The following C10orf71 variants were observed in gnomAD, a reference collection of about 807,000 sequenced individuals.
C10orf71 encodes cardiac-enriched FHL2-interacting protein.
For missense variants in C10orf71, 1,869 were observed against 1,804.5 expected, an observed-to-expected ratio of 1.04 and a Z score of -0.65; for synonymous variants, 758 against 726.3, an observed-to-expected ratio of 1.04 and a Z score of -0.70.
Position 49,322,930 on chromosome 10 carries a change from C to A in C10orf71, c.385C>A (p.Pro129Thr). 1 of 1,613,910 alleles carries A rather than the reference C, an allele frequency of 6.2e-7. No individual in the cohort carries two copies. Reference sequence around the variant, plus strand: ...GCCAGTCCAGAGGAGACTGGAGGTGCCAGTTTCCGGCCTAAGGAGCAGCAA... The same window carrying A: ...GCCAGTCCAGAGGAGACTGGAGGTGACAGTTTCCGGCCTAAGGAGCAGCAA... Reference protein sequence around the residue: ...PTPVQRRLEVPVSGLRSSNKP... With the variant: ...PTPVQRRLEVTVSGLRSSNKP... Residue 129 changes from proline to threonine, a missense_variant, in exon 3 of 3, where the codon CCA (proline) becomes ACA (threonine). Coordinates refer to ENST00000374144, the MANE Select transcript of C10orf71 (RefSeq NM_001135196.2).
In C10orf71 at chr10:49,326,393, G is replaced by T; in HGVS notation, c.3848G>T (p.Gly1283Val). 6.4e-7 allele frequency: 1 copy of T among 1,550,574 alleles called. No homozygotes were observed. ...TQKVLQDPQSGEYFVFDLPLQ... is the reference protein window; with the variant it reads ...TQKVLQDPQSVEYFVFDLPLQ... ...AAGGTCCTCCAGGATCCGCAGTCCG[G>T]GGAGTACTTTGTCTTCGACTTGCCA... The change falls in exon 3 of 3, where the codon GGG becomes GTG. Residue 1283 changes from glycine to valine, a missense_variant. Gly to Val is a moderately radical substitution (Grantham distance 109). Transcript: ENST00000374144.
At chr10:49,299,670 G>T (rs139400363) in intron 1 of C10orf71, among the ~76,000 whole-genome samples, 1 of 152,196 alleles carries the variant, frequency 6.6e-6, no homozygotes, top group Non-Finnish European at 1.5e-5. Context: ...ACCCGGAACC[G>T]TGTACATGTG....
chr10:49,322,727 G>C lies in C10orf71; in HGVS notation c.182G>C (p.Arg61Pro), dbSNP rs370240901. 3.0e-5 allele frequency: 49 copies of C among 1,613,800 alleles called. No individual in the cohort carries two copies. Among genetic ancestry groups the C allele is most frequent in the Non-Finnish European group, 3.9e-5 (46 of 1,179,860 alleles). Residue 61 changes from arginine (R) to proline (P), a missense_variant, in exon 3 of 3, where the codon CGA becomes CCA. Transcript: ENST00000374144. ...SYLAVSPDIT[R>P]QVFGTFHQRT... is the part of the protein sequence containing the mutation. ...CTGGCTGTGTCCCCGGATATCACCC[G>C]ACAGGTGTTTGGGACTTTTCACCAG...
rs575463593 is a variant in C10orf71 at position 49,321,047 on chromosome 10, A to T, written c.-144-1355A>T. ...CCAAACATTTCCTCCCACCGCTTTT[A>T]TTTATTATTTGTGTATGTGTGATAA... is the stretch of plus-strand genomic sequence containing the variant. On this transcript the variant is annotated intron_variant, in intron 2 of 2. Transcript: ENST00000374144. Among the ~76,000 whole-genome samples, 8 of 151,980 alleles carry T rather than the reference A, an allele frequency of 5.3e-5. No homozygotes were observed. In the East Asian group the frequency reaches 1.5e-3, roughly 29 times the overall value.
chr10:49,325,284 T>A lies in C10orf71; in HGVS notation c.2739T>A (p.Ile913=), dbSNP rs1462940900. The change falls in exon 3 of 3, where the codon ATT becomes ATA. Residue 913 remains isoleucine (I), a synonymous_variant. Transcript: ENST00000374144. ...TTTGTGCCCCCGAAAACCAGGACAT[T>A]CTTGGTACATCGACACCCACTAACA... The part of the protein sequence containing the change: ...PGFCAPENQD[I]LGTSTPTNTR... 6.4e-7 allele frequency: 1 copy of A among 1,551,554 alleles called. No individual in the cohort carries two copies. Among genetic ancestry groups the A allele is most frequent in the African/African-American group, 1.4e-5 (1 of 73,024 alleles).
intron 1 of C10orf71, among the ~76,000 whole-genome samples, chr10:49,304,618 A>T (rs1392495083): frequency 1.3e-5 from 2 of 152,148 alleles, no homozygotes; most frequent in East Asian, 3.9e-4. Context: ...ACTCTGTAGA[A>T]ACCCTGCCCT....
Position 49,325,176 on chromosome 10 carries a change from G to A in C10orf71, c.2631G>A (p.Arg877=), listed in dbSNP as rs1438146637. 1 of 1,552,096 alleles carries A rather than the reference G, an allele frequency of 6.4e-7. No individual in the cohort carries two copies. The highest frequency in any genetic ancestry group is 1.2e-5 in the South Asian group (1 of 84,066). ...VIKPIMLPLL[R]TMSLEDSLSS... is the part of the protein sequence containing the mutation. Reference sequence around the variant, plus strand: ...AACCTATCATGCTGCCTCTCCTGAGGACCATGTCCTTGGAGGACTCCCTCA... The same window carrying A: ...AACCTATCATGCTGCCTCTCCTGAGAACCATGTCCTTGGAGGACTCCCTCA... The change falls in exon 3 of 3, where the codon AGG becomes AGA. Residue 877 remains arginine, a synonymous_variant. Transcript: ENST00000374144.
In C10orf71 at chr10:49,325,861, A is replaced by T. The variant is rs1849227819; in HGVS notation, c.3316A>T (p.Arg1106Trp). 2 of 1,550,424 alleles carry T rather than the reference A, an allele frequency of 1.3e-6. No homozygotes were observed. The highest frequency in any genetic ancestry group is 1.7e-6 in the Non-Finnish European group (2 of 1,146,038). ...ASPWASSSPARVTRREDLTHA... is the reference protein window; with the variant it reads ...ASPWASSSPAWVTRREDLTHA... ...CCCCTGGGCCAGCTCCAGTCCTGCC[A>T]GGGTCACCCGGAGGGAGGACCTGAC... is the stretch of plus-strand genomic sequence containing the variant. The change falls in exon 3 of 3, where the codon AGG becomes TGG. Residue 1106 changes from arginine to tryptophan, a missense_variant. Transcript: ENST00000374144.
chr10:49,315,780 G>C (rs1339601966), intron 1 of C10orf71, among the ~76,000 whole-genome samples: 1 of 152,196 alleles, frequency 6.6e-6, no homozygotes, highest in Non-Finnish European at 1.5e-5. Flanking sequence ...TTTGGGTCAG[G>C]CATGACGGTT....
intron 1 of C10orf71, among the ~76,000 whole-genome samples, chr10:49,313,484 T>G (rs772147774): frequency 3.9e-5 from 6 of 151,982 alleles, no homozygotes; most frequent in Non-Finnish European, 7.4e-5. Context: ...CATCGAGAGA[T>G]TCTAAGCAAA....
chr10:49,303,405 G>A (rs1564681978), intron 1 of C10orf71, among the ~76,000 whole-genome samples: 1 of 152,160 alleles, frequency 6.6e-6, no homozygotes, highest in South Asian at 2.1e-4. Flanking sequence ...CATCAGACCC[G>A]AGTGGCCCAA....
chr10:49,298,639 T>C (rs1396817065), upstream of C10orf71: 1 of 152,236 alleles, frequency 6.6e-6, no homozygotes, highest in African/African-American at 2.4e-5. Context: ...GTGCTTGGAC[T>C]TTGCAAACAA....
chr10:49,308,933 C>T (rs1017444283), intron 1 of C10orf71, among the ~76,000 whole-genome samples: 1 of 152,182 alleles, frequency 6.6e-6, no homozygotes, highest in African/African-American at 2.4e-5. Flanking sequence ...GCACAGAGGC[C>T]GAGGACTGGG....
At chr10:49,308,563 C>T (rs1848856935) in intron 1 of C10orf71, among the ~76,000 whole-genome samples, 1 of 152,194 alleles carries the variant, frequency 6.6e-6, no homozygotes. Flanking sequence ...GCTTTACACA[C>T]ATAAGAGGCA....
In C10orf71 at chr10:49,324,359, A is replaced by G. The variant is rs369990332; in HGVS notation, c.1814A>G (p.Asn605Ser). ...ATCGCCAAAGCCCCCTTCTATGTCA[A>G]TGGGGAGGCTGCTGAGAGAAGCAGT... ...PTIAKAPFYVNGEAAERSSYE... is the reference protein window; with the variant it reads ...PTIAKAPFYVSGEAAERSSYE... The change falls in exon 3 of 3, where the codon AAT becomes AGT. Residue 605 changes from asparagine to serine, a missense_variant. By Grantham distance (46) the Asn-to-Ser change is conservative. Coordinates refer to ENST00000374144, the MANE Select transcript of C10orf71 (RefSeq NM_001135196.2). 5 of 1,613,692 alleles carry G rather than the reference A, an allele frequency of 3.1e-6. No individual in the cohort carries two copies. The highest frequency in any genetic ancestry group is 2.7e-5 in the African/African-American group (2 of 74,898).
In C10orf71 at chr10:49,322,568, G is replaced by T. The variant is rs376665109; in HGVS notation, c.23G>T (p.Cys8Phe). The change falls in exon 3 of 3, where the codon TGC becomes TTC. Residue 8 changes from cysteine (C) to phenylalanine (F), a missense_variant. Cys to Phe is a radical substitution (Grantham distance 205, BLOSUM62 -2). Coordinates refer to ENST00000374144, the MANE Select transcript of C10orf71 (RefSeq NM_001135196.2). MMQGNKK[C>F]TDAFSDSSSI... ...CAGATGATGCAAGGAAATAAGAAGTGCACAGACGCGTTCAGCGACTCCTCC... is the reference window on the plus strand; with the variant it reads ...CAGATGATGCAAGGAAATAAGAAGTTCACAGACGCGTTCAGCGACTCCTCC... 39 of 1,610,658 alleles carry T rather than the reference G, an allele frequency of 2.4e-5. No individual in the cohort carries two copies. The highest frequency in any genetic ancestry group is 3.2e-5 in the Non-Finnish European group (38 of 1,178,358).
chr10:49,326,552 C>T lies in C10orf71; in HGVS notation c.4007C>T (p.Pro1336Leu), dbSNP rs1377106635. Residue 1336 changes from proline to leucine, a missense_variant, in exon 3 of 3, where the codon CCC (proline) becomes CTC (leucine). By Grantham distance (98) the Pro-to-Leu change is moderately conservative. Transcript: ENST00000374144. ...CTGGCCGCTCCCTATGTGCTGTACC[C>T]CGGCTTCCAGCCAGTGCCCGTGACG... is the stretch of plus-strand genomic sequence containing the variant. ...DALAAPYVLY[P>L]GFQPVPVTAL... The T allele has an allele frequency of 3.9e-6, 6 of 1,550,504 alleles. No homozygotes were observed. The highest frequency in any genetic ancestry group is 1.4e-5 in the African/African-American group (1 of 73,026).
Position 49,325,459 on chromosome 10 carries a change from G to T in C10orf71, c.2914G>T (p.Ala972Ser). ...PLVGEGDRVK[A>S]PPDAAPGLVA... ...GGTGGGAGAGGGGGACCGGGTGAAG[G>T]CACCACCAGATGCTGCACCTGGCCT... Residue 972 changes from alanine to serine, a missense_variant, in exon 3 of 3, where the codon GCA (alanine) becomes TCA (serine). Coordinates refer to ENST00000374144, the MANE Select transcript of C10orf71 (RefSeq NM_001135196.2). 3 of 1,550,486 alleles carry T rather than the reference G, an allele frequency of 1.9e-6. No homozygotes were observed. The highest frequency in any genetic ancestry group is 2.6e-6 in the Non-Finnish European group (3 of 1,146,110).
intron 2 of C10orf71, among the ~76,000 whole-genome samples, chr10:49,320,266 G>A (rs1250088087): frequency 6.6e-6 from 1 of 152,208 alleles, no homozygotes. Flanking sequence ...AGGGGCCATA[G>A]CTATAGAGGA....
Sources: gnomAD v4.1 joint callset for allele counts (sites outside exome capture counted in the v4.1 genomes callset) on GRCh38, gnomAD v4.1.1 for gene constraint, MANE v1.5 for transcripts, NCBI Gene and HGNC (gene_info 2026-07-23, HGNC 2026-07-21) for gene names.